Variants in F13A1 observed in about 807,000 individuals in gnomAD.
F13A1 encodes coagulation factor XIII A chain, also known as FSF, A subunit.
In F13A1, 47 loss-of-function variants were observed where a neutral mutation model predicts 80.1. The observed-to-expected ratio is 0.59, with a 90% CI of 0.46 to 0.75. The LOEUF is 0.75. Ranked by LOEUF, F13A1 falls within the 30% of genes least tolerant of loss-of-function variation. The pLI, the probability that F13A1 is intolerant of heterozygous loss-of-function variation, is 0.00. For synonymous variants in F13A1, 349 were observed against 344.9 expected (o/e 1.01, Z -0.13); for missense variants, 817 against 930.4 (o/e 0.88, Z 1.59).
chr6:6,316,121 A>G (rs1459733001), intron 2 of F13A1, among the ~76,000 whole-genome samples: 1 of 56,804 alleles, frequency 1.8e-5, no homozygotes, highest in South Asian at 5.6e-4. Context: ...ATATATATAT[A>G]TATATATATA....
chr6:6,148,895 C>T (rs1193497993), intron 14 of F13A1, among the ~76,000 whole-genome samples: 2 of 151,104 alleles, frequency 1.3e-5, no homozygotes, highest in African/African-American at 2.4e-5. Flanking sequence ...CCATTTGTAA[C>T]AACATGAATT....
In F13A1 at chr6:6,310,607, G is replaced by A. The variant is rs571061804; in HGVS notation, c.131-5068C>T. Among the ~76,000 whole-genome samples, 6 of 152,244 alleles carry A rather than the reference G, an allele frequency of 3.9e-5. No homozygotes were observed. The East Asian group carries it at 5.8e-4, about 15-fold the overall frequency. On this transcript the variant is annotated intron_variant, in intron 2 of 14. Coordinates refer to ENST00000264870, the MANE Select transcript of F13A1 (RefSeq NM_000129.4). ...CCTGAACCCAAATCCCAACTCTCAC[G>A]TACTGTCTTTGTGACCTTGGCAAGT...
At chr6:6,245,408 G>T (rs1288783061) in intron 6 of F13A1, among the ~76,000 whole-genome samples, 1 of 152,242 alleles carries the variant, frequency 6.6e-6, no homozygotes, top group South Asian at 2.1e-4. Flanking sequence ...ATTTTCAGTA[G>T]AGATAGGGTT....
rs532069030 is a variant in F13A1, at chr6:6,290,677, C to A, written c.319+14674G>T. ...GACAGGTGTTCATAGAGAACACACT[C>A]TGGGAAACACTGTCCTACTTTCTTA... On this transcript the variant is annotated intron_variant, in intron 3 of 14. Coordinates refer to ENST00000264870, the MANE Select transcript of F13A1 (RefSeq NM_000129.4). Among the ~76,000 whole-genome samples the A allele has an allele frequency of 7.2e-5, 11 of 152,308 alleles. No individual in the cohort carries two copies. The South Asian group carries it at 2.1e-3, about 29-fold the overall frequency.
intron 14 of F13A1, 85 bp from the exon 15 acceptor site, chr6:6,145,857 A>G: frequency 6.3e-7 from 1 of 1,583,024 alleles, no homozygotes; most frequent in Non-Finnish European, 8.7e-7. Flanking sequence ...TGCCTAAGTC[A>G]CTTGCTTTCT....
chr6:6,183,956 A>G (rs1761032361), intron 10 of F13A1, among the ~76,000 whole-genome samples: 1 of 152,246 alleles, frequency 6.6e-6, no homozygotes, highest in African/African-American at 2.4e-5. Flanking sequence ...GAGTAAAAAT[A>G]TAATAGTCAT....
intron 6 of F13A1, among the ~76,000 whole-genome samples, chr6:6,228,502 G>C (rs1433881661): frequency 6.6e-6 from 1 of 152,048 alleles, no homozygotes; most frequent in African/African-American, 2.4e-5. Flanking sequence ...GAGAGGATGA[G>C]GCAGATAGAT....
chr6:6,274,007 A>G (rs1394629457), intron 3 of F13A1, among the ~76,000 whole-genome samples: 1 of 152,246 alleles, frequency 6.6e-6, no homozygotes, highest in Non-Finnish European at 1.5e-5. Flanking sequence ...AGGACTGTAG[A>G]AATCCGCCCT....
intron 13 of F13A1, among the ~76,000 whole-genome samples, chr6:6,154,526 C>A (rs1232835080): frequency 6.6e-6 from 1 of 152,206 alleles, no homozygotes; most frequent in African/African-American, 2.4e-5. Context: ...GCCCCGCACC[C>A]CAGCCATCAC....
At chr6:6,174,327 T>C (rs959107411) in intron 12 of F13A1, among the ~76,000 whole-genome samples, 3 of 151,968 alleles carry the variant, frequency 2.0e-5, no homozygotes, top group African/African-American at 7.3e-5. Context: ...GAGGCAAAGG[T>C]TGCAGTGAAC....
intron 14 of F13A1, among the ~76,000 whole-genome samples, chr6:6,149,639 C>T (rs955299497): frequency 1.3e-5 from 2 of 152,160 alleles, no homozygotes; most frequent in African/African-American, 2.4e-5. Flanking sequence ...CATCAGGAAC[C>T]GAATTGGTCG....
At chr6:6,220,109 A>G (rs897800854) in intron 8 of F13A1, among the ~76,000 whole-genome samples, 7 of 152,182 alleles carry the variant, frequency 4.6e-5, no homozygotes, top group Admixed American at 6.5e-5. Flanking sequence ...CCTGTGCTTC[A>G]TGGTCTGGGC....
At chr6:6,159,375 T>G (rs1760534255) in intron 13 of F13A1, among the ~76,000 whole-genome samples, 1 of 152,098 alleles carries the variant, frequency 6.6e-6, no homozygotes, top group African/African-American at 2.4e-5. Flanking sequence ...CGGTAAAAAT[T>G]GTGGGCATCT....
intron 3 of F13A1, among the ~76,000 whole-genome samples, chr6:6,286,289 G>A (rs1758139056): frequency 6.6e-6 from 1 of 152,208 alleles, no homozygotes; most frequent in Admixed American, 6.5e-5. Flanking sequence ...GAGAGGCTGA[G>A]GCAGGAGAAT....
chr6:6,177,636 C>A (rs1330213107), intron 11 of F13A1, among the ~76,000 whole-genome samples: 2 of 152,236 alleles, frequency 1.3e-5, no homozygotes, highest in Non-Finnish European at 2.9e-5. Flanking sequence ...CCCCAGTAAC[C>A]ATTCATTCAA....
At chr6:6,291,499 G>A (rs1487108949) in intron 3 of F13A1, among the ~76,000 whole-genome samples, 2 of 151,898 alleles carry the variant, frequency 1.3e-5, no homozygotes, top group African/African-American at 4.8e-5. Context: ...ACATCTCCTT[G>A]ACTTTTAGAC....
chr6:6,270,424 G>A (rs973596167), intron 3 of F13A1, among the ~76,000 whole-genome samples: 1 of 152,168 alleles, frequency 6.6e-6, no homozygotes, highest in Non-Finnish European at 1.5e-5. Flanking sequence ...TAGGAAGTTT[G>A]TAGCTTTTTA....
intron 4 of F13A1, among the ~76,000 whole-genome samples, chr6:6,255,089 C>A (rs998224914): frequency 1.3e-5 from 2 of 152,098 alleles, no homozygotes; most frequent in Non-Finnish European, 2.9e-5. Context: ...TCCTTTCCAG[C>A]ACAGATTGAA....
At chr6:6,165,765 C>T (rs1760660115) in intron 13 of F13A1, among the ~76,000 whole-genome samples, 1 of 152,238 alleles carries the variant, frequency 6.6e-6, no homozygotes, top group Admixed American at 6.5e-5. Context: ...GATGATGGTA[C>T]CTCTGCAGCA....
Sources: allele counts gnomAD v4.1 joint callset (sites outside exome capture counted in the v4.1 genomes callset), GRCh38; gene constraint gnomAD v4.1.1; transcripts MANE v1.5; gene names NCBI Gene and HGNC (gene_info 2026-07-23, HGNC 2026-07-21).